The following FERMT1 variants were observed in gnomAD, a reference collection of about 807,000 sequenced individuals.
FERMT1 encodes fermitin family homolog 1.
In FERMT1, 60 loss-of-function variants were observed where a neutral mutation model predicts 85.3. The ratio of observed to expected loss-of-function variants is 0.70; its 90% CI spans 0.57 to 0.87. FERMT1 has a LOEUF of 0.87. FERMT1 is among the 40% of genes least tolerant of loss of function. The pLI is 0.00. For synonymous variants in FERMT1, 275 were observed against 301.1 expected (o/e 0.91, Z 0.90); for missense variants, 701 against 818.9 (o/e 0.86, Z 1.76).
chr20:6,102,905 C>A (rs977592135), intron 6 of FERMT1, among the ~76,000 whole-genome samples: 3 of 152,034 alleles, frequency 2.0e-5, no homozygotes, highest in Non-Finnish European at 4.4e-5. Context: ...GAAGGGGTTA[C>A]TATTTAGATC....
chr20:6,077,212 A>G lies in FERMT1; in HGVS notation c.1995T>C (p.Asp665=). ...TRSKDQNETL[D]EDLFHKLTGG... is the part of the protein sequence containing the mutation. ...CGGTCAATTTGTGGAACAAGTCCTC[A>G]TCGAGTGTTTCATTCTGGTCCTTGG... Residue 665 remains aspartate, a synonymous_variant, in exon 15 of 15, where the codon GAT becomes GAC. Transcript: ENST00000217289. 1.9e-6 allele frequency: 3 copies of G among 1,614,176 alleles called. No individual in the cohort carries two copies. Among genetic ancestry groups the G allele is most frequent in the Non-Finnish European group, 2.5e-6 (3 of 1,180,046 alleles).
rs1206261388 is a variant in FERMT1, at chr20:6,098,977, G to T, written c.850-1346C>A. 2.0e-5 allele frequency among the ~76,000 whole-genome samples: 3 copies of T among 152,282 alleles called. No homozygotes were observed. In the East Asian group the frequency reaches 5.8e-4, roughly 29 times the overall value. On this transcript the variant is annotated intron_variant, in intron 6 of 14. Transcript: ENST00000217289. ...TGTACACCCAAACAAACTGAAAGTGGCATCCAAACACATACTTGTACAACA... is the reference window on the plus strand; with the variant it reads ...TGTACACCCAAACAAACTGAAAGTGTCATCCAAACACATACTTGTACAACA...
intron 8 of FERMT1, among the ~76,000 whole-genome samples, chr20:6,095,542 A>G (rs926307677): frequency 1.3e-5 from 2 of 152,232 alleles, no homozygotes; most frequent in African/African-American, 2.4e-5. Flanking sequence ...ACCTTGTTCA[A>G]AGTTCATTCT....
At chr20:6,078,093 T>G (rs62199234) in intron 14 of FERMT1, among the ~76,000 whole-genome samples, 22,235 of 152,188 alleles carry the variant, frequency 0.15, 2,005 homozygotes, top group African/African-American at 0.26. Context: ...ACTTAGAGAC[T>G]TTGCTGGTTC....
At chr20:6,100,156 T>C (rs950154387) in intron 6 of FERMT1, among the ~76,000 whole-genome samples, 3 of 152,144 alleles carry the variant, frequency 2.0e-5, no homozygotes, top group African/African-American at 7.2e-5. Context: ...TGAATATTCA[T>C]GGCAGTATTA....
At position 6,075,065 on chromosome 20, in the gene FERMT1, G is replaced by C. The variant is rs199611203; in HGVS notation, c.*2108C>G. On this transcript the variant is annotated 3_prime_UTR_variant, in exon 15 of 15. Transcript: ENST00000217289. Reference sequence around the variant, plus strand: ...TTTAGGTTTGTTTTTTTTTTTTTTTGTCACACTTGTTTATTTCTTTGGGAT... The same window carrying C: ...TTTAGGTTTGTTTTTTTTTTTTTTTCTCACACTTGTTTATTTCTTTGGGAT... 3 of 67,852 alleles carry C rather than the reference G, an allele frequency of 4.4e-5. No homozygotes were observed. The South Asian group carries it at 1.3e-3, about 30-fold the overall frequency. 4.2% of individuals were successfully genotyped at this position (67,852 alleles called of 1,614,324 possible).
rs557517529 is a variant in FERMT1, at chr20:6,075,874, G to T, written c.*1299C>A. 1.3e-5 allele frequency: 2 copies of T among 152,248 alleles called. No homozygotes were observed. The highest frequency in any genetic ancestry group is 1.3e-4 in the Admixed American group (2 of 15,266). The allele number at this position is 152,248 out of a possible 1,614,324, so 9.4% of individuals were successfully genotyped here. On this transcript the variant is annotated 3_prime_UTR_variant, in exon 15 of 15. Coordinates refer to ENST00000217289, the MANE Select transcript of FERMT1 (RefSeq NM_017671.5). ...GATATTTCCCTTTACTTCTGGTATT[G>T]CTTTTGACCTTCTCAAAACCCACCC...
chr20:6,082,531 C>T (rs1330294964), intron 13 of FERMT1, among the ~76,000 whole-genome samples: 1 of 152,168 alleles, frequency 6.6e-6, no homozygotes, highest in Non-Finnish European at 1.5e-5. Context: ...GTATCCAGTA[C>T]GACTCCGCGC....
intron 9 of FERMT1, 45 bp downstream of exon 9, chr20:6,094,894 G>A (rs1318951778): frequency 9.3e-7 from 1 of 1,080,422 alleles, no homozygotes; most frequent in Non-Finnish European, 1.4e-6. Flanking sequence ...TTATCTTCAA[G>A]ACTTTGTTAT....
intron 8 of FERMT1, among the ~76,000 whole-genome samples, chr20:6,095,545 T>C (rs1190530604): frequency 6.6e-6 from 1 of 152,256 alleles, no homozygotes. Context: ...TTGTTCAAAG[T>C]TCATTCTGTA....
Position 6,104,324 on chromosome 20 carries a change from G to C in FERMT1, c.849+3208C>G, listed in dbSNP as rs1353511274. 2.0e-5 allele frequency among the ~76,000 whole-genome samples: 3 copies of C among 152,136 alleles called. No homozygotes were observed. Among genetic ancestry groups the C allele is most frequent in the Admixed American group, 2.0e-4 (3 of 15,276 alleles). On this transcript the variant is annotated intron_variant, in intron 6 of 14. Coordinates refer to ENST00000217289, the MANE Select transcript of FERMT1 (RefSeq NM_017671.5). This position sits in a 1 kb window ranked among gnomAD's most constrained non-coding sequence, Gnocchi z 4.2. ...CTGTAGATTTTAGTTTCTACTTGTA[G>C]GGTGCCTTGTAAATTTGCAGTGGCT...
At chr20:6,081,876 C>T (rs1473094262) in intron 13 of FERMT1, among the ~76,000 whole-genome samples, 2 of 152,134 alleles carry the variant, frequency 1.3e-5, no homozygotes, top group Non-Finnish European at 2.9e-5. Context: ...GGAATGTTTT[C>T]CACATTATTC....
At chr20:6,112,176 A>G (rs1039433189) in intron 4 of FERMT1, among the ~76,000 whole-genome samples, 1 of 152,156 alleles carries the variant, frequency 6.6e-6, no homozygotes, top group Non-Finnish European at 1.5e-5. Context: ...GTGACCAGCC[A>G]GTTACCTGTT....
In FERMT1 at chr20:6,076,504, G is replaced by T. The variant is rs1204644961; in HGVS notation, c.*669C>A. Reference sequence around the variant, plus strand: ...GCAGGTGGCCCCAGAAATCTGAGGAGACCAATGACTAAGACCAGATGTGGG... The same window carrying T: ...GCAGGTGGCCCCAGAAATCTGAGGATACCAATGACTAAGACCAGATGTGGG... On this transcript the variant is annotated 3_prime_UTR_variant, in exon 15 of 15. Transcript: ENST00000217289. The T allele has an allele frequency of 1.9e-6, 1 of 513,038 alleles. No homozygotes were observed. The highest frequency in any genetic ancestry group is 1.9e-5 in the African/African-American group (1 of 51,860). The allele number at this position is 513,038 out of a possible 1,614,324, so 31.8% of individuals were successfully genotyped here.
chr20:6,076,643 A>G lies in FERMT1; in HGVS notation c.*530T>C. 1 of 355,592 alleles carries G rather than the reference A, an allele frequency of 2.8e-6. No homozygotes were observed. The highest frequency in any genetic ancestry group is 5.6e-6 in the Non-Finnish European group (1 of 179,850). The allele number at this position is 355,592 out of a possible 1,614,324, so 22.0% of individuals were successfully genotyped here. On this transcript the variant is annotated 3_prime_UTR_variant, in exon 15 of 15. Transcript: ENST00000217289. ...CCCCACCCCTCCCCTTTCTACCCCT[A>G]GACCTTGGCCTCCAGGGAAAAAGTG...
intron 2 of FERMT1, among the ~76,000 whole-genome samples, chr20:6,117,505 C>T (rs1489530547): frequency 6.6e-6 from 1 of 151,376 alleles, no homozygotes; most frequent in African/African-American, 2.4e-5. Context: ...GTAATCTCAG[C>T]TCACTGCAAC....
intron 5 of FERMT1, among the ~76,000 whole-genome samples, chr20:6,108,809 C>CA (rs11434994): frequency 0.055 from 5,161 of 94,190 alleles, 309 homozygotes; most frequent in African/African-American, 0.18. Context: ...GACTCTGTCT[C>CA]AAAAAAAAAA....
In FERMT1 at chr20:6,115,919, GA is replaced by G. The variant is rs771700381; in HGVS notation, c.276del (p.Gln93SerfsTer12). ...VQADAKLLFT[P>X]QHKMLRLRLP... is the part of the protein sequence containing the mutation. ...AGACGAAGGCGCAGCATTTTATGCT[GA>G]GGGGTGAAGAGAAGCTTTGCATCTG... On this transcript the variant is annotated frameshift_variant, in exon 3 of 15. Coordinates refer to ENST00000217289, the MANE Select transcript of FERMT1 (RefSeq NM_017671.5). LOFTEE classifies it high-confidence loss of function. 1 of 1,614,174 alleles carries G rather than the reference GA, an allele frequency of 6.2e-7. No individual in the cohort carries two copies. The highest frequency in any genetic ancestry group is 8.5e-7 in the Non-Finnish European group (1 of 1,180,010).
In FERMT1 at chr20:6,104,497, GA is replaced by G. The variant is rs1982747394; in HGVS notation, c.849+3034del. On this transcript the variant is annotated intron_variant, in intron 6 of 14. Transcript: ENST00000217289. The surrounding 1 kb of genome is among the most constrained non-coding windows in gnomAD (Gnocchi z 4.2). ...ATCTATAGCACTCATAATTTTGAGAGAGGGGGAAGGGAATACTGCCATAAGT... is the reference window on the plus strand; with the variant it reads ...ATCTATAGCACTCATAATTTTGAGAGGGGGGAAGGGAATACTGCCATAAGT... 6.6e-6 allele frequency among the ~76,000 whole-genome samples: 1 copy of G among 152,222 alleles called. No homozygotes were observed. Among genetic ancestry groups the G allele is most frequent in the Non-Finnish European group, 1.5e-5 (1 of 68,034 alleles).
Sources: gnomAD v4.1 joint callset for allele counts (sites outside exome capture counted in the v4.1 genomes callset) on GRCh38, gnomAD v4.1.1 for gene constraint, Gnocchi (gnomAD v3.1) non-coding constraint, MANE v1.5 for transcripts, NCBI Gene and HGNC (gene_info 2026-07-23, HGNC 2026-07-21) for gene names.